KCND3: variants seen among roughly 807,000 people sequenced by gnomAD.
The protein encoded by KCND3 is potassium voltage-gated channel subfamily D member 3, also known as A-type voltage-gated potassium channel KCND3.
A neutral mutation model predicts 51.1 loss-of-function variants in KCND3; 9 were observed. That is an observed-to-expected ratio of 0.18 (90% CI 0.11 to 0.31). KCND3 has a LOEUF of 0.31. KCND3 is among the 10% of genes least tolerant of loss of function. The probability of loss-of-function intolerance (pLI) is 1.00; values close to 1 mark genes in which losing one functional copy is unlikely to be tolerated. For missense variants in KCND3, 526 were observed against 903.8 expected (o/e 0.58, Z 5.36); for synonymous variants, 349 against 368.0 (o/e 0.95, Z 0.59).
At chr1:111,820,562 C>T (rs570616401) in intron 2 of KCND3, among the ~76,000 whole-genome samples, 1 of 152,144 alleles carries the variant, frequency 6.6e-6, no homozygotes. Context: ...TTAAAAAGCC[C>T]AACTCTATTT....
chr1:111,973,653 G>A (rs17676657), intron 2 of KCND3, among the ~76,000 whole-genome samples: 35,269 of 152,148 alleles, frequency 0.23, 4,971 homozygotes, highest in Non-Finnish European at 0.3. Flanking sequence ...TGGTAGATTC[G>A]GCAGCTGCAT....
chr1:111,820,794 T>C (rs1347329243), intron 2 of KCND3, among the ~76,000 whole-genome samples: 1 of 152,168 alleles, frequency 6.6e-6, no homozygotes, highest in Non-Finnish European at 1.5e-5. Flanking sequence ...TACTGATGTC[T>C]TTATAAGAAA....
At chr1:111,776,609 G>A (rs1664126726) in intron 7 of KCND3, among the ~76,000 whole-genome samples, 1 of 152,112 alleles carries the variant, frequency 6.6e-6, no homozygotes, top group Non-Finnish European at 1.5e-5. Flanking sequence ...CTAAATATAA[G>A]CAGAGGGGGA....
chr1:111,881,915 C>A (rs1344471974), intron 2 of KCND3, among the ~76,000 whole-genome samples: 1 of 152,324 alleles, frequency 6.6e-6, no homozygotes, highest in East Asian at 1.9e-4. Context: ...CAGACAAGAG[C>A]ACCGTGCTTG....
chr1:111,794,073 G>A (rs1664956099), intron 2 of KCND3, among the ~76,000 whole-genome samples: 1 of 152,194 alleles, frequency 6.6e-6, no homozygotes, highest in Non-Finnish European at 1.5e-5. Flanking sequence ...CCCTGAGCAG[G>A]TGGGGCTCAG....
chr1:111,824,554 C>A (rs544505892), intron 2 of KCND3, among the ~76,000 whole-genome samples: 1 of 152,246 alleles, frequency 6.6e-6, no homozygotes, highest in South Asian at 2.1e-4. Context: ...GTGTTGAAAC[C>A]GGCCCAACTG....
At chr1:111,792,163 G>A (rs898538947) in intron 2 of KCND3, among the ~76,000 whole-genome samples, 6 of 152,202 alleles carry the variant, frequency 3.9e-5, no homozygotes, top group Admixed American at 3.9e-4. Context: ...CGTTTGGCCC[G>A]AAGAAGAGGA....
chr1:111,970,571 G>A (rs536682722), intron 2 of KCND3, among the ~76,000 whole-genome samples: 15 of 152,160 alleles, frequency 9.9e-5, no homozygotes, highest in African/African-American at 2.4e-4. Context: ...CTTGACTCAC[G>A]CCTCTGACAT....
At chr1:111,965,438 C>CCACACACACACACACACACACA (rs56156826) in intron 2 of KCND3, among the ~76,000 whole-genome samples, 1,128 of 72,348 alleles carry the variant, frequency 0.016, 200 homozygotes, top group Admixed American at 0.024. Context: ...GCCAGCAAAA[C>CCACACACACACACACACACACA]CACACACACA....
intron 2 of KCND3, among the ~76,000 whole-genome samples, chr1:111,917,877 C>T (rs187273427): frequency 6.6e-5 from 10 of 152,262 alleles, no homozygotes; most frequent in East Asian, 1.9e-4. Flanking sequence ...CTTCTGCAGA[C>T]GGAATTGAAT....
intron 2 of KCND3, among the ~76,000 whole-genome samples, chr1:111,800,544 A>G (rs937011086): frequency 3.6e-5 from 5 of 140,262 alleles, no homozygotes; most frequent in Admixed American, 7.4e-5. Context: ...TCAATAAAAA[A>G]ATAAATTTAA....
At chr1:111,801,150 C>G (rs777767085) in intron 2 of KCND3, among the ~76,000 whole-genome samples, 2 of 152,242 alleles carry the variant, frequency 1.3e-5, no homozygotes, top group African/African-American at 2.4e-5. Flanking sequence ...CTCAACTGCA[C>G]AGTAGAGCAA....
intron 2 of KCND3, among the ~76,000 whole-genome samples, chr1:111,800,138 T>C (rs1226728273): frequency 6.9e-6 from 1 of 144,468 alleles, no homozygotes; most frequent in Non-Finnish European, 1.5e-5. Context: ...AATCGGATGG[T>C]TGCCGTGTCT....
At chr1:111,897,679 AAAG>A (rs1264631906) in intron 2 of KCND3, among the ~76,000 whole-genome samples, 1 of 152,190 alleles carries the variant, frequency 6.6e-6, no homozygotes, top group Non-Finnish European at 1.5e-5. Flanking sequence ...TGGGGTACAG[AAAG>A]AAGCTAGATC....
intron 2 of KCND3, among the ~76,000 whole-genome samples, chr1:111,949,259 A>G (rs1441625730): frequency 2.0e-5 from 3 of 152,204 alleles, no homozygotes; most frequent in Non-Finnish European, 4.4e-5. Flanking sequence ...TCTCTTTTGT[A>G]AAGTGGAGAT....
intron 2 of KCND3, among the ~76,000 whole-genome samples, chr1:111,819,661 C>A (rs1476753629): frequency 6.6e-6 from 1 of 152,090 alleles, no homozygotes; most frequent in Non-Finnish European, 1.5e-5. Flanking sequence ...AGCAGAAGAT[C>A]CCCCTCTGCA....
At chr1:111,896,179 G>A (rs1204788261) in intron 2 of KCND3, among the ~76,000 whole-genome samples, 1 of 152,164 alleles carries the variant, frequency 6.6e-6, no homozygotes, top group African/African-American at 2.4e-5. Context: ...AGAACACGGT[G>A]AATACGCGTC....
intron 2 of KCND3, among the ~76,000 whole-genome samples, chr1:111,835,779 T>A (rs187036617): frequency 2.6e-4 from 39 of 152,366 alleles, no homozygotes; most frequent in Non-Finnish European, 4.7e-4. Context: ...TAGCATATAA[T>A]CAAGATATAA....
At chr1:111,866,737 A>G (rs768517089) in intron 2 of KCND3, among the ~76,000 whole-genome samples, 7 of 152,154 alleles carry the variant, frequency 4.6e-5, no homozygotes, top group Non-Finnish European at 7.4e-5. Context: ...TTTGAGACCA[A>G]CTTGGGCAAC....
Sources: allele counts gnomAD v4.1 joint callset (sites outside exome capture counted in the v4.1 genomes callset), GRCh38; gene constraint gnomAD v4.1.1; transcripts MANE v1.5; gene names NCBI Gene and HGNC (gene_info 2026-07-23, HGNC 2026-07-21).